Variants in OR7D2 observed in about 807,000 individuals in gnomAD.
OR7D2 encodes the protein olfactory receptor 7D2.
For missense variants in OR7D2, 370 were observed against 384.1 expected (o/e 0.96, Z 0.31); for synonymous variants, 158 against 158.7 (o/e 1.00, Z 0.03).
At chr19:9,179,657 G>A (rs1475748373) in intron 1 of OR7D2, among the ~76,000 whole-genome samples, 3 of 152,118 alleles carry the variant, frequency 2.0e-5, no homozygotes, top group African/African-American at 4.8e-5. Flanking sequence ...ACTTCCTTGA[G>A]TGGATTCCTT....
chr19:9,187,268 T>C lies in OR7D2; in HGVS notation c.*548T>C, dbSNP rs1467952386. The C allele has an allele frequency of 6.0e-6, 1 of 167,414 alleles. No individual in the cohort carries two copies. Among genetic ancestry groups the C allele is most frequent in the African/African-American group, 2.4e-5 (1 of 41,452 alleles). 10.4% of individuals were successfully genotyped at this position (167,414 alleles called of 1,614,324 possible). Reference sequence around the variant, plus strand: ...GTCTCCAGTGTCCATTATTCTGTTATAATGCCCATGCGTATACATTGTTTA... The same window carrying C: ...GTCTCCAGTGTCCATTATTCTGTTACAATGCCCATGCGTATACATTGTTTA... On this transcript the variant is annotated 3_prime_UTR_variant, in exon 3 of 3. Transcript: ENST00000641288.
Position 9,187,433 on chromosome 19 carries a change from T to C in OR7D2, c.*713T>C, listed in dbSNP as rs1013298331. On this transcript the variant is annotated 3_prime_UTR_variant, in exon 3 of 3. Coordinates refer to ENST00000641288, the MANE Select transcript of OR7D2 (RefSeq NM_175883.4). ...TTTTTATGGCTGAGTAGTACTCCATTGTATATATCCTCGATATCTATATAG... is the reference window on the plus strand; with the variant it reads ...TTTTTATGGCTGAGTAGTACTCCATCGTATATATCCTCGATATCTATATAG... 1.2e-5 allele frequency: 2 copies of C among 165,700 alleles called. No individual in the cohort carries two copies. The highest frequency in any genetic ancestry group is 2.9e-5 in the Non-Finnish European group (2 of 68,116). The allele number at this position is 165,700 out of a possible 1,614,324, so 10.3% of individuals were successfully genotyped here. A position where few individuals can be genotyped will look rare whatever the true frequency, so the allele number is the denominator to read the frequency against.
At chr19:9,184,785 A>G (rs1478347723) in intron 2 of OR7D2, among the ~76,000 whole-genome samples, 2 of 152,066 alleles carry the variant, frequency 1.3e-5, no homozygotes, top group Non-Finnish European at 2.9e-5. Flanking sequence ...ATATATATGT[A>G]TGTGTATGTG....
intron 2 of OR7D2, among the ~76,000 whole-genome samples, chr19:9,183,816 G>T (rs1180664567): frequency 1.3e-5 from 2 of 149,142 alleles, no homozygotes; most frequent in Non-Finnish European, 3.0e-5. Flanking sequence ...AATTAGCCGG[G>T]CGAGGTGGCG....
chr19:9,179,233 G>A (rs886485732), intron 1 of OR7D2, 110 bp downstream of exon 1: 4 of 152,214 alleles, frequency 2.6e-5, no homozygotes, highest in African/African-American at 9.7e-5. Context: ...AATGTCTCAT[G>A]ATTTTTAAAA....
At chr19:9,182,848 T>TG (rs144183745) in intron 2 of OR7D2, 71,801 of 259,696 alleles carry the variant, frequency 0.28, 10,770 homozygotes, top group Non-Finnish European at 0.31. Context: ...ATAGCACATG[T>TG]GAAGGGATCT....
In OR7D2 at chr19:9,187,008, T is replaced by C. The variant is rs1384419318; in HGVS notation, c.*288T>C. On this transcript the variant is annotated 3_prime_UTR_variant, in exon 3 of 3. Coordinates refer to ENST00000641288, the MANE Select transcript of OR7D2 (RefSeq NM_175883.4). ...ATCTCGGCTCACTGCAACCTCCGCC[T>C]CCCGGGTTCAAGTGATTCTTCTGTC... The C allele has an allele frequency of 9.2e-6, 2 of 216,804 alleles. No homozygotes were observed. The highest frequency in any genetic ancestry group is 1.8e-5 in the Non-Finnish European group (2 of 109,940). The allele number at this position is 216,804 out of a possible 1,614,324, so 13.4% of individuals were successfully genotyped here.
intron 2 of OR7D2, among the ~76,000 whole-genome samples, chr19:9,184,140 T>G: frequency 6.7e-6 from 1 of 149,368 alleles, no homozygotes; most frequent in Non-Finnish European, 1.5e-5. Flanking sequence ...ACGCCTGTAA[T>G]CCCCAGCACT....
chr19:9,185,000 A>G (rs1379862709), intron 2 of OR7D2, among the ~76,000 whole-genome samples: 2 of 152,132 alleles, frequency 1.3e-5, no homozygotes, highest in Non-Finnish European at 2.9e-5. Flanking sequence ...ATAGAGAATA[A>G]AACAGTGGTT....
Position 9,187,397 on chromosome 19 carries a change from G to T in OR7D2, c.*677G>T. The T allele has an allele frequency of 6.0e-6, 1 of 166,174 alleles. No homozygotes were observed. 10.3% of individuals were successfully genotyped at this position (166,174 alleles called of 1,614,324 possible). A position where few individuals can be genotyped will look rare whatever the true frequency, so the allele number is the denominator to read the frequency against. ...CCATCGATGTTGCTGCAAAAGACAT[G>T]ATTTCATCCTTTTTTATGGCTGAGT... On this transcript the variant is annotated 3_prime_UTR_variant, in exon 3 of 3. Coordinates refer to ENST00000641288, the MANE Select transcript of OR7D2 (RefSeq NM_175883.4).
Position 9,186,147 on chromosome 19 carries a change from G to A in OR7D2, c.366G>A (p.Arg122=). Reference sequence around the variant, plus strand: ...TCCTGACCGTGATGGCCTATGACCGGTTTGTGGCTGTCTGCCACCCTCTGC... The same window carrying A: ...TCCTGACCGTGATGGCCTATGACCGATTTGTGGCTGTCTGCCACCCTCTGC... ...TLLLTVMAYD[R]FVAVCHPLHY... Residue 122 remains arginine (R), a synonymous_variant, in exon 3 of 3, where the codon CGG becomes CGA. Coordinates refer to ENST00000641288, the MANE Select transcript of OR7D2 (RefSeq NM_175883.4). The A allele has an allele frequency of 1.2e-6, 2 of 1,614,054 alleles. No individual in the cohort carries two copies. Among genetic ancestry groups the A allele is most frequent in the Non-Finnish European group, 1.7e-6 (2 of 1,180,012 alleles).
At chr19:9,179,215 G>A (rs1455261570) in intron 1 of OR7D2, 92 bp downstream of exon 1, 1 of 152,232 alleles carries the variant, frequency 6.6e-6, no homozygotes, top group African/African-American at 2.4e-5. Context: ...GGAGGTAACA[G>A]GGTTGATAAT....
intron 2 of OR7D2, among the ~76,000 whole-genome samples, chr19:9,184,308 A>G (rs1259594167): frequency 6.6e-6 from 1 of 151,936 alleles, no homozygotes; most frequent in African/African-American, 2.4e-5. Flanking sequence ...CAGCTACTCA[A>G]GAGGCTGAGG....
chr19:9,186,303 T>C lies in OR7D2; in HGVS notation c.522T>C (p.Ile174=). 1 of 1,614,122 alleles carries C rather than the reference T, an allele frequency of 6.2e-7. No homozygotes were observed. Among genetic ancestry groups the C allele is most frequent in the African/African-American group, 1.3e-5 (1 of 75,030 alleles). Residue 174 remains isoleucine (I), a synonymous_variant, in exon 3 of 3, where the codon ATT becomes ATC. Transcript: ENST00000641288. ...MHLIFCKDFE[I]PHFFCELTYI... is the part of the protein sequence containing the mutation. ...TAATCTTCTGTAAAGATTTTGAAAT[T>C]CCACATTTTTTCTGCGAACTGACGT... is the stretch of plus-strand genomic sequence containing the variant.
At chr19:9,181,230 ATATAC>A (rs1259733153) in intron 2 of OR7D2, among the ~76,000 whole-genome samples, 1 of 149,868 alleles carries the variant, frequency 6.7e-6, no homozygotes, top group East Asian at 1.9e-4. Flanking sequence ...ACTATTTGCT[ATATAC>A]TATATTAGTA....
chr19:9,186,142 G>T lies in OR7D2; in HGVS notation c.361G>T (p.Asp121Tyr). The T allele has an allele frequency of 6.2e-7, 1 of 1,614,018 alleles. No homozygotes were observed. Among genetic ancestry groups the T allele is most frequent in the Non-Finnish European group, 8.5e-7 (1 of 1,180,020 alleles). Reference sequence around the variant, plus strand: ...GCTACTCCTGACCGTGATGGCCTATGACCGGTTTGTGGCTGTCTGCCACCC... The same window carrying T: ...GCTACTCCTGACCGTGATGGCCTATTACCGGTTTGTGGCTGTCTGCCACCC... Reference protein sequence around the residue: ...DTLLLTVMAYDRFVAVCHPLH... With the variant: ...DTLLLTVMAYYRFVAVCHPLH... The change falls in exon 3 of 3, where the codon GAC becomes TAC. Residue 121 changes from aspartate (D) to tyrosine (Y), a missense_variant. Coordinates refer to ENST00000641288, the MANE Select transcript of OR7D2 (RefSeq NM_175883.4).
chr19:9,183,355 T>G (rs1450089672), intron 2 of OR7D2, among the ~76,000 whole-genome samples: 2 of 152,124 alleles, frequency 1.3e-5, no homozygotes, highest in Non-Finnish European at 2.9e-5. Flanking sequence ...GCTCACTGCA[T>G]CCTCGAACAC....
chr19:9,184,682 G>A (rs567111162), intron 2 of OR7D2, among the ~76,000 whole-genome samples: 2 of 152,052 alleles, frequency 1.3e-5, no homozygotes, highest in African/African-American at 4.8e-5. Context: ...AATGGCTAAA[G>A]AAAATGTGAT....
Position 9,187,459 on chromosome 19 carries a change from A to G in OR7D2, c.*739A>G, listed in dbSNP as rs969266461. 6.0e-6 allele frequency: 1 copy of G among 166,104 alleles called. No individual in the cohort carries two copies. Among genetic ancestry groups the G allele is most frequent in the South Asian group, 2.1e-4 (1 of 4,822 alleles). 10.3% of individuals were successfully genotyped at this position (166,104 alleles called of 1,614,324 possible). ...GTATATATCCTCGATATCTATATAG[A>G]TATAGACATATGTAGATACATACCA... On this transcript the variant is annotated 3_prime_UTR_variant, in exon 3 of 3. Transcript: ENST00000641288.
Sources: gnomAD v4.1 joint callset for allele counts (sites outside exome capture counted in the v4.1 genomes callset) on GRCh38, gnomAD v4.1.1 for gene constraint, MANE v1.5 for transcripts, NCBI Gene and HGNC (gene_info 2026-07-23, HGNC 2026-07-21) for gene names.